The following CFAP20DC variants were observed in gnomAD, a reference collection of about 807,000 sequenced individuals.
CFAP20DC encodes the protein protein CFAP20DC.
A neutral mutation model predicts 101.7 loss-of-function variants in CFAP20DC; 84 were observed. The ratio of observed to expected loss-of-function variants is 0.83; its 90% CI spans 0.69 to 0.99. The LOEUF (loss-of-function observed/expected upper bound fraction) is 0.99, where lower values mean the gene tolerates loss of function less well. Ranked by LOEUF, CFAP20DC falls within the 50% of genes least tolerant of loss-of-function variation. CFAP20DC has a pLI of 0.00. For missense variants in CFAP20DC, 1,007 were observed against 970.3 expected (o/e 1.04, Z -0.50); for synonymous variants, 359 against 351.2 (o/e 1.02, Z -0.25).
At chr3:58,754,941 A>G (rs2068830337) in intron 15 of CFAP20DC, among the ~76,000 whole-genome samples, 1 of 152,302 alleles carries the variant, frequency 6.6e-6, no homozygotes, top group South Asian at 2.1e-4. Context: ...TTAGCACTCA[A>G]TAAATTTCAG....
At chr3:58,878,995 G>A (rs533701088) in intron 7 of CFAP20DC, among the ~76,000 whole-genome samples, 122 of 150,740 alleles carry the variant, frequency 8.1e-4, no homozygotes, top group African/African-American at 2.9e-3. Flanking sequence ...GCAACAGAGC[G>A]AGACTTCGTC....
chr3:58,937,684 A>G lies in CFAP20DC; in HGVS notation c.357T>C (p.His119=), dbSNP rs753124047. 5 of 1,612,144 alleles carry G rather than the reference A, an allele frequency of 3.1e-6. No individual in the cohort carries two copies. Among genetic ancestry groups the G allele is most frequent in the Non-Finnish European group, 4.2e-6 (5 of 1,178,348 alleles). ...VHKELSSTPL[H]AKIPLFMIKR... is the part of the protein sequence containing the mutation. Reference sequence around the variant, plus strand: ...TGATCATGAAGAGTGGAATTTTTGCATGAAGAGGGGTGGAGGATAGTTCCT... The same window carrying G: ...TGATCATGAAGAGTGGAATTTTTGCGTGAAGAGGGGTGGAGGATAGTTCCT... Residue 119 remains histidine (H), a synonymous_variant, in exon 5 of 17, where the codon CAT becomes CAC. Coordinates refer to ENST00000482387, the MANE Select transcript of CFAP20DC (RefSeq NM_001394063.1).
At chr3:58,803,655 A>G (rs2073862577) in intron 15 of CFAP20DC, among the ~76,000 whole-genome samples, 1 of 152,152 alleles carries the variant, frequency 6.6e-6, no homozygotes, top group Non-Finnish European at 1.5e-5. Context: ...CTTCCTGCCA[A>G]TTCTCCTAAG....
intron 16 of CFAP20DC, among the ~76,000 whole-genome samples, chr3:58,749,299 G>C (rs2068412603): frequency 6.6e-6 from 1 of 152,152 alleles, no homozygotes; most frequent in African/African-American, 2.4e-5. Flanking sequence ...TTATGTGGCA[G>C]TTAATAGGAG....
chr3:58,847,135 C>T (rs2077729644), intron 13 of CFAP20DC, among the ~76,000 whole-genome samples: 1 of 125,800 alleles, frequency 7.9e-6, no homozygotes, highest in Non-Finnish European at 1.7e-5. Flanking sequence ...ACACCAAAAG[C>T]AATGGCAACA....
chr3:58,808,480 G>A (rs2074309122), intron 14 of CFAP20DC, among the ~76,000 whole-genome samples: 1 of 152,138 alleles, frequency 6.6e-6, no homozygotes, highest in African/African-American at 2.4e-5. Flanking sequence ...CATAAGTGAA[G>A]GAGAAATAAA....
chr3:58,847,675 C>T (rs1230683055), intron 13 of CFAP20DC, among the ~76,000 whole-genome samples: 1 of 148,922 alleles, frequency 6.7e-6, no homozygotes, highest in Non-Finnish European at 1.5e-5. Context: ...GGGTATATAC[C>T]CAAAGGACTA....
intron 12 of CFAP20DC, among the ~76,000 whole-genome samples, chr3:58,860,108 CG>C (rs1353648104): frequency 7.2e-6 from 1 of 138,972 alleles, no homozygotes; most frequent in African/African-American, 2.7e-5. Flanking sequence ...ACCAGGGAGT[CG>C]GAGGTTGCAA....
rs145928135 is a variant in CFAP20DC, at chr3:58,974,029, G to C, written c.279-36267C>G. 7.9e-5 allele frequency among the ~76,000 whole-genome samples: 12 copies of C among 152,244 alleles called. No homozygotes were observed. In the East Asian group the frequency reaches 1.7e-3, roughly 22 times the overall value. ...GTGATTCATATGGTATGACGTAGGA[G>C]GACAGGAGCGGGCTACCTCCCAGGA... On this transcript the variant is annotated intron_variant, in intron 4 of 16. Coordinates refer to ENST00000482387, the MANE Select transcript of CFAP20DC (RefSeq NM_001394063.1).
rs568959289 is a variant in CFAP20DC, at chr3:58,930,289, C to T, written c.393+7359G>A. On this transcript the variant is annotated intron_variant, in intron 5 of 16. Coordinates refer to ENST00000482387, the MANE Select transcript of CFAP20DC (RefSeq NM_001394063.1). Reference sequence around the variant, plus strand: ...CCCTAATCTGGATGACTGCAAAAAACTTCCTCACTTCCAATTTCTACACCC... The same window carrying T: ...CCCTAATCTGGATGACTGCAAAAAATTTCCTCACTTCCAATTTCTACACCC... Among the ~76,000 whole-genome samples, 5 of 152,346 alleles carry T rather than the reference C, an allele frequency of 3.3e-5. No individual in the cohort carries two copies. In the South Asian group the frequency reaches 1.0e-3, roughly 32 times the overall value.
intron 3 of CFAP20DC, among the ~76,000 whole-genome samples, chr3:58,718,670 C>T (rs2067428940): frequency 6.6e-6 from 1 of 152,204 alleles, no homozygotes; most frequent in Non-Finnish European, 1.5e-5. Flanking sequence ...CCATCTGTTT[C>T]CTTTGTTTCT....
chr3:58,856,260 C>T (rs1412581615), intron 12 of CFAP20DC, among the ~76,000 whole-genome samples: 1 of 102,938 alleles, frequency 9.7e-6, no homozygotes, highest in Non-Finnish European at 2.1e-5. Flanking sequence ...CTAGCTTCAT[C>T]TTCTGACACA....
intron 15 of CFAP20DC, among the ~76,000 whole-genome samples, chr3:58,778,718 A>G (rs1201689765): frequency 1.3e-5 from 2 of 152,222 alleles, no homozygotes; most frequent in East Asian, 3.8e-4. Flanking sequence ...GCCCAAATAC[A>G]GGCATGGTCA....
At chr3:58,839,660 A>G (rs1472952715) in intron 13 of CFAP20DC, among the ~76,000 whole-genome samples, 1 of 152,240 alleles carries the variant, frequency 6.6e-6, no homozygotes, top group Non-Finnish European at 1.5e-5. Flanking sequence ...GCACTAGAAT[A>G]TTAAAGAATT....
intron 14 of CFAP20DC, among the ~76,000 whole-genome samples, chr3:58,825,153 T>C (rs1645548418): frequency 6.6e-6 from 1 of 152,156 alleles, no homozygotes; most frequent in Non-Finnish European, 1.5e-5. Flanking sequence ...TGCTGATGGT[T>C]AAACTCACAT....
chr3:59,049,363 T>G (rs17643242), intron 1 of CFAP20DC, among the ~76,000 whole-genome samples: 28,675 of 152,130 alleles, frequency 0.19, 2,773 homozygotes, highest in African/African-American at 0.2. Flanking sequence ...TTAGGTAGAA[T>G]CACAGACAAT....
At chr3:58,825,649 G>T (rs1307473458) in intron 14 of CFAP20DC, among the ~76,000 whole-genome samples, 4 of 152,052 alleles carry the variant, frequency 2.6e-5, no homozygotes, top group Admixed American at 2.0e-4. Flanking sequence ...CCCTTCCAAA[G>T]GCTGCCGAGA....
At chr3:58,807,210 C>G (rs546877395) in intron 14 of CFAP20DC, among the ~76,000 whole-genome samples, 11 of 152,190 alleles carry the variant, frequency 7.2e-5, no homozygotes, top group African/African-American at 2.4e-4. Flanking sequence ...TTGAAGAGAG[C>G]AGTGGTTCTC....
intron 3 of CFAP20DC, chr3:58,726,985 C>A (rs192070968): frequency 3.7e-6 from 1 of 270,658 alleles, no homozygotes. Flanking sequence ...CCACTCACAC[C>A]ATCAGAACAG....
Sources: allele counts gnomAD v4.1 joint callset (sites outside exome capture counted in the v4.1 genomes callset), GRCh38; gene constraint gnomAD v4.1.1; transcripts MANE v1.5; gene names NCBI Gene and HGNC (gene_info 2026-07-23, HGNC 2026-07-21).